Variants in VTCN1 observed in about 807,000 individuals in gnomAD.
The protein encoded by VTCN1 is V-set domain-containing T-cell activation inhibitor 1.
In VTCN1, 26 loss-of-function variants were observed where a neutral mutation model predicts 26.5. The ratio of observed to expected loss-of-function variants is 0.98; its 90% CI spans 0.72 to 1.36. VTCN1 has a LOEUF of 1.36. Among genes scored for constraint, VTCN1 ranks in the 40% most tolerant of loss-of-function variants. The probability of loss-of-function intolerance (pLI) is 0.00; values close to 1 mark genes in which losing one functional copy is unlikely to be tolerated. For missense variants in VTCN1, 298 were observed against 337.7 expected (o/e 0.88, Z 0.92); for synonymous variants, 116 against 130.7 (o/e 0.89, Z 0.77).
intron 1 of VTCN1, among the ~76,000 whole-genome samples, chr1:117,198,925 A>C (rs1648655588): frequency 6.6e-6 from 1 of 152,188 alleles, no homozygotes; most frequent in East Asian, 1.9e-4. Flanking sequence ...AAGACCTGAA[A>C]AATATGACTT....
At chr1:117,190,195 G>C (rs1031504218) in intron 1 of VTCN1, among the ~76,000 whole-genome samples, 2 of 152,322 alleles carry the variant, frequency 1.3e-5, no homozygotes, top group East Asian at 3.9e-4. Context: ...GACTTGATGG[G>C]AGACATAGCT....
intron 2 of VTCN1, among the ~76,000 whole-genome samples, chr1:117,157,612 T>C (rs1488447905): frequency 6.6e-6 from 1 of 151,968 alleles, no homozygotes; most frequent in Non-Finnish European, 1.5e-5. Flanking sequence ...ATTATGAGAG[T>C]ATAATTCAAG....
chr1:117,160,102 AG>A (rs1417884058), intron 2 of VTCN1, among the ~76,000 whole-genome samples: 1 of 152,210 alleles, frequency 6.6e-6, no homozygotes, highest in Admixed American at 6.5e-5. Flanking sequence ...TATGAAACTA[AG>A]GGCAGATGGC....
At chr1:117,171,843 C>T (rs1165586494) in intron 1 of VTCN1, among the ~76,000 whole-genome samples, 1 of 152,130 alleles carries the variant, frequency 6.6e-6, no homozygotes, top group African/African-American at 2.4e-5. Context: ...TAGAATTTGT[C>T]TCTTAAATCT....
intron 1 of VTCN1, among the ~76,000 whole-genome samples, chr1:117,181,155 G>A (rs1239755489): frequency 6.6e-6 from 1 of 151,782 alleles, no homozygotes; most frequent in Non-Finnish European, 1.5e-5. Flanking sequence ...GGTGGTTCAT[G>A]CCTGTAGTCC....
At chr1:117,172,785 ATTGTAAATGCACCAATCAGCACT>A (rs1159694311) in intron 1 of VTCN1, among the ~76,000 whole-genome samples, 1 of 149,494 alleles carries the variant, frequency 6.7e-6, no homozygotes, top group African/African-American at 2.4e-5. Context: ...TGTCTGAAGG[ATTGTAAATGCACCAATCAGCACT>A]CTGTAAAAAT....
At chr1:117,209,733 C>T (rs911612045) in intron 1 of VTCN1, among the ~76,000 whole-genome samples, 10 of 152,222 alleles carry the variant, frequency 6.6e-5, no homozygotes, top group African/African-American at 2.4e-4. Context: ...CCGCTGCAGC[C>T]ACCCCCACCA....
Position 117,169,335 on chromosome 1 carries a change from T to C in VTCN1, c.97+772A>G, listed in dbSNP as rs1233858129. 1.3e-5 allele frequency among the ~76,000 whole-genome samples: 2 copies of C among 152,220 alleles called. No homozygotes were observed. The highest frequency in any genetic ancestry group is 2.4e-5 in the African/African-American group (1 of 41,462). On this transcript the variant is annotated intron_variant, in intron 2 of 5. Transcript: ENST00000369458. The surrounding 1 kb of genome is among the most constrained non-coding windows in gnomAD (Gnocchi z 4.0). ...GCTACAGCGGTATCTGTTTCCTACA[T>C]GGTACAGTAGTCATGACCAGTTGTC...
chr1:117,173,070 C>G, intron 1 of VTCN1: 1 of 691,738 alleles, frequency 1.4e-6, no homozygotes, highest in Admixed American at 2.1e-5. Context: ...TAACACTTAC[C>G]GTGAAGGACC....
At chr1:117,173,254 G>A (rs1396246550) in intron 1 of VTCN1, 2 of 703,666 alleles carry the variant, frequency 2.8e-6, no homozygotes, top group African/African-American at 1.8e-5. Context: ...ATAAATTCCG[G>A]ACACAATTGC....
intron 1 of VTCN1, among the ~76,000 whole-genome samples, chr1:117,177,350 A>G (rs925592657): frequency 2.0e-5 from 3 of 152,124 alleles, no homozygotes; most frequent in South Asian, 2.1e-4. Context: ...GGTGTAGAGT[A>G]TGTTTCCTGG....
chr1:117,202,104 C>G (rs1039804988), intron 1 of VTCN1, among the ~76,000 whole-genome samples: 1 of 152,130 alleles, frequency 6.6e-6, no homozygotes, highest in Non-Finnish European at 1.5e-5. Flanking sequence ...TATCATGCCT[C>G]GTAAGACTTT....
At chr1:117,158,799 C>A (rs150005658) in intron 2 of VTCN1, among the ~76,000 whole-genome samples, 1 of 152,142 alleles carries the variant, frequency 6.6e-6, no homozygotes, top group Non-Finnish European at 1.5e-5. Context: ...TTAACAGCAC[C>A]GAAGTTACCT....
At chr1:117,150,686 T>C (rs533807787) in intron 4 of VTCN1, among the ~76,000 whole-genome samples, 3 of 152,364 alleles carry the variant, frequency 2.0e-5, no homozygotes, top group East Asian at 3.9e-4. Context: ...TAGTGTTAAG[T>C]ATATCCACGT....
intron 1 of VTCN1, among the ~76,000 whole-genome samples, chr1:117,189,160 C>A (rs192842662): frequency 1.4e-4 from 21 of 152,310 alleles, no homozygotes; most frequent in Non-Finnish European, 8.8e-5. Flanking sequence ...CCCTTCTTAT[C>A]AGTTCCCCCA....
intron 1 of VTCN1, among the ~76,000 whole-genome samples, chr1:117,207,148 A>G (rs547887177): frequency 6.6e-6 from 1 of 152,266 alleles, no homozygotes; most frequent in South Asian, 2.1e-4. Flanking sequence ...GAGAAATGGG[A>G]AACCAAAATT....
chr1:117,148,857 A>G (rs760591500), intron 4 of VTCN1, among the ~76,000 whole-genome samples: 18 of 152,230 alleles, frequency 1.2e-4, no homozygotes, highest in Non-Finnish European at 2.4e-4. Flanking sequence ...ACTGTCAGAC[A>G]GAACCAGACT....
At position 117,153,300 on chromosome 1, in the gene VTCN1, C is replaced by T. The variant is rs779855993; in HGVS notation, c.515G>A (p.Arg172Gln). 8.7e-6 allele frequency: 14 copies of T among 1,613,914 alleles called. No homozygotes were observed. Among genetic ancestry groups the T allele is most frequent in the African/African-American group, 4.0e-5 (3 of 74,886 alleles). The change falls in exon 4 of 6, where the codon CGA (arginine) becomes CAA (glutamine). Residue 172 changes from arginine to glutamine, a missense_variant. By Grantham distance (43) the Arg-to-Gln change is conservative. Transcript: ENST00000369458. ...SSETLRCEAP[R>Q]WFPQPTVVWA... Reference sequence around the variant, plus strand: ...GACCACTGTGGGCTGGGGGAACCATCGGGGAGCCTCACACCGCAAGGTCTC... The same window carrying T: ...GACCACTGTGGGCTGGGGGAACCATTGGGGAGCCTCACACCGCAAGGTCTC...
intron 1 of VTCN1, among the ~76,000 whole-genome samples, chr1:117,195,467 T>C (rs777483008): frequency 6.6e-6 from 1 of 151,922 alleles, no homozygotes; most frequent in Non-Finnish European, 1.5e-5. Context: ...GCCTTAAATA[T>C]ATAGAATTTT....
Sources: allele counts gnomAD v4.1 joint callset (sites outside exome capture counted in the v4.1 genomes callset), GRCh38; gene constraint gnomAD v4.1.1; non-coding constraint Gnocchi (gnomAD v3.1); transcripts MANE v1.5; gene names NCBI Gene and HGNC (gene_info 2026-07-23, HGNC 2026-07-21).